Variants in ME3 observed in about 807,000 individuals in gnomAD.
The protein encoded by ME3 is NADP-dependent malic enzyme, mitochondrial.
A neutral mutation model predicts 68.9 loss-of-function variants in ME3; 48 were observed. The ratio of observed to expected loss-of-function variants is 0.70; its 90% CI spans 0.55 to 0.89. The LOEUF is 0.89. ME3 is among the 40% of genes least tolerant of loss of function. The probability of loss-of-function intolerance (pLI) is 0.00; values close to 1 mark genes in which losing one functional copy is unlikely to be tolerated. For missense variants in ME3, 675 were observed against 797.4 expected, an observed-to-expected ratio of 0.85 and a Z score of 1.85; for synonymous variants, 320 against 318.8, an observed-to-expected ratio of 1.00 and a Z score of -0.04.
rs146309584 is a variant in ME3, at chr11:86,621,000, C to T, written c.183+50762G>A. 6.0e-3 allele frequency among the ~76,000 whole-genome samples: 916 copies of T among 152,198 alleles called. 2 individuals carry two copies. The highest frequency in any genetic ancestry group is 8.7e-3 in the Non-Finnish European group (595 of 68,024). On this transcript the variant is annotated intron_variant, in intron 2 of 14. Transcript: ENST00000543262. ...ATACAATACAGCCCAGGTTCCTGAC[C>T]GGGCCTCCACCAAAGTAAGGTCTGG...
chr11:86,437,378 T>C (rs1328563561), downstream of ME3: 2 of 152,156 alleles, frequency 1.3e-5, no homozygotes, highest in African/African-American at 2.4e-5. Flanking sequence ...TTGATCATTG[T>C]ATATTTATAG....
chr11:86,550,041 C>G (rs1175217832), intron 4 of ME3, among the ~76,000 whole-genome samples: 2 of 152,182 alleles, frequency 1.3e-5, no homozygotes, highest in Non-Finnish European at 2.9e-5. Flanking sequence ...GTCAGCAGTT[C>G]TCAGCCCTGG....
chr11:86,664,877 A>G (rs1056949033), intron 2 of ME3, among the ~76,000 whole-genome samples: 2 of 152,214 alleles, frequency 1.3e-5, no homozygotes, highest in South Asian at 4.1e-4. Flanking sequence ...AGCTGGAGAT[A>G]AACAGTTAAT....
intron 7 of ME3, among the ~76,000 whole-genome samples, chr11:86,479,442 G>T (rs1191080776): frequency 6.6e-6 from 1 of 152,150 alleles, no homozygotes; most frequent in Non-Finnish European, 1.5e-5. Flanking sequence ...CTAAATAATA[G>T]ATGTAGCCAG....
intron 4 of ME3, among the ~76,000 whole-genome samples, chr11:86,550,916 G>C (rs865838593): frequency 6.6e-6 from 1 of 152,036 alleles, no homozygotes; most frequent in Non-Finnish European, 1.5e-5. Context: ...GGCTCCAGTG[G>C]GTATTTAGGA....
chr11:86,611,418 G>T (rs1319857889), intron 2 of ME3, among the ~76,000 whole-genome samples: 2 of 152,050 alleles, frequency 1.3e-5, no homozygotes, highest in African/African-American at 2.4e-5. Flanking sequence ...AATTTTCTAA[G>T]AGAGTAGATC....
chr11:86,464,750 G>A (rs781328004), intron 8 of ME3, among the ~76,000 whole-genome samples: 9 of 152,156 alleles, frequency 5.9e-5, no homozygotes, highest in East Asian at 3.8e-4. Context: ...CCTCTCCATT[G>A]ACTAGATGAT....
intron 2 of ME3, among the ~76,000 whole-genome samples, chr11:86,568,870 G>A (rs1957627259): frequency 1.3e-5 from 2 of 152,162 alleles, no homozygotes; most frequent in Admixed American, 1.3e-4. Context: ...TAGGCACTGG[G>A]GATTGTTGAA....
At chr11:86,621,631 T>C (rs1442321009) in intron 2 of ME3, among the ~76,000 whole-genome samples, 2 of 151,978 alleles carry the variant, frequency 1.3e-5, no homozygotes, top group Admixed American at 6.6e-5. Flanking sequence ...GAACTTGTTT[T>C]TGTGAATAGG....
chr11:86,514,573 G>T (rs1398739004), intron 4 of ME3, among the ~76,000 whole-genome samples: 3 of 152,206 alleles, frequency 2.0e-5, no homozygotes, highest in Non-Finnish European at 4.4e-5. Context: ...ATGTTAGAGA[G>T]AATGTAGCAT....
At chr11:86,610,598 G>A (rs1208238974) in intron 2 of ME3, among the ~76,000 whole-genome samples, 1 of 151,898 alleles carries the variant, frequency 6.6e-6, no homozygotes, top group African/African-American at 2.4e-5. Flanking sequence ...CACATCCCTT[G>A]CTGCTCAGGG....
At chr11:86,511,450 A>G (rs1404892008) in intron 4 of ME3, among the ~76,000 whole-genome samples, 1 of 152,176 alleles carries the variant, frequency 6.6e-6, no homozygotes. Flanking sequence ...AGATTATGAC[A>G]GTGAGAGAAA....
intron 2 of ME3, among the ~76,000 whole-genome samples, chr11:86,569,802 C>T (rs1482413815): frequency 1.3e-5 from 2 of 152,118 alleles, no homozygotes; most frequent in African/African-American, 2.4e-5. Flanking sequence ...AGTAACTTGC[C>T]CAAGGTCACA....
chr11:86,464,508 C>T (rs1227741510), intron 8 of ME3, among the ~76,000 whole-genome samples: 1 of 152,174 alleles, frequency 6.6e-6, no homozygotes, highest in African/African-American at 2.4e-5. Context: ...CAGTGTCTCT[C>T]TCAGGGTCAT....
intron 7 of ME3, among the ~76,000 whole-genome samples, chr11:86,476,215 G>C (rs1387750659): frequency 6.6e-6 from 1 of 152,104 alleles, no homozygotes. Context: ...TGCCTGCTGT[G>C]GACCTATCTG....
chr11:86,446,174 G>C, intron 13 of ME3, 140 bp downstream of exon 13: 1 of 933,930 alleles, frequency 1.1e-6, no homozygotes, highest in East Asian at 2.5e-5. Flanking sequence ...CATGAGAGAT[G>C]CTTGAGGTTT....
chr11:86,658,335 C>T (rs1194803103), intron 2 of ME3, among the ~76,000 whole-genome samples: 5 of 151,868 alleles, frequency 3.3e-5, no homozygotes, highest in Non-Finnish European at 7.4e-5. Flanking sequence ...GTTGTCCAGC[C>T]TGGTCTCGAA....
At chr11:86,641,632 C>T (rs1264620852) in intron 2 of ME3, among the ~76,000 whole-genome samples, 2 of 152,176 alleles carry the variant, frequency 1.3e-5, no homozygotes, top group Non-Finnish European at 2.9e-5. Context: ...ACTTGGAAAA[C>T]TCATGGTGTA....
chr11:86,582,234 C>T (rs549757677), intron 2 of ME3, among the ~76,000 whole-genome samples: 1 of 152,298 alleles, frequency 6.6e-6, no homozygotes, highest in Admixed American at 6.5e-5. Context: ...TGTGGTAGTT[C>T]CTCTGTTGGG....
Sources: gnomAD v4.1 joint callset for allele counts (sites outside exome capture counted in the v4.1 genomes callset) on GRCh38, gnomAD v4.1.1 for gene constraint, MANE v1.5 for transcripts, NCBI Gene and HGNC (gene_info 2026-07-23, HGNC 2026-07-21) for gene names.